The following COBL variants were observed in gnomAD, a reference collection of about 807,000 sequenced individuals.
COBL encodes the protein protein cordon-bleu.
A neutral mutation model predicts 98.8 loss-of-function variants in COBL; 51 were observed. The ratio of observed to expected loss-of-function variants is 0.52; its 90% CI spans 0.41 to 0.65. The LOEUF is 0.65. Among genes scored for constraint, COBL ranks in the 30% least tolerant of loss-of-function variants. The pLI is 0.00. For synonymous variants in COBL, 634 were observed against 651.7 expected (o/e 0.97, Z 0.41); for missense variants, 1,617 against 1,617.5 (o/e 1.00, Z 0.01).
chr7:51,076,414 CA>C (rs1249640111), intron 7 of COBL, among the ~76,000 whole-genome samples: 1 of 152,186 alleles, frequency 6.6e-6, no homozygotes, highest in Non-Finnish European at 1.5e-5. Flanking sequence ...CCTTAGTGAG[CA>C]TCTGGTCCCC....
At chr7:51,223,448 T>C (rs1164213163) in intron 1 of COBL, among the ~76,000 whole-genome samples, 4 of 152,236 alleles carry the variant, frequency 2.6e-5, no homozygotes, top group Admixed American at 6.5e-5. Flanking sequence ...ACTGGACCTG[T>C]TGGCTCAGTG....
intron 7 of COBL, among the ~76,000 whole-genome samples, chr7:51,058,150 A>T (rs917925933): frequency 6.6e-6 from 1 of 152,116 alleles, no homozygotes; most frequent in African/African-American, 2.4e-5. Context: ...ACGTAACAAA[A>T]TTTCTTAAAT....
intron 1 of COBL, among the ~76,000 whole-genome samples, chr7:51,302,513 G>A (rs552482586): frequency 2.0e-3 from 297 of 151,574 alleles, no homozygotes; most frequent in African/African-American, 7.0e-3. Context: ...CCCGGGAGGC[G>A]GAGGTTGTGG....
chr7:51,018,905 A>AAAAAAAAT (rs1554345519), intron 12 of COBL, among the ~76,000 whole-genome samples: 2 of 34,436 alleles, frequency 5.8e-5, no homozygotes, highest in African/African-American at 2.5e-4. Flanking sequence ...AAAAAAAAAA[A>AAAAAAAAT]ATATATATAT....
chr7:51,026,521 C>T, intron 11 of COBL, 25 bp downstream of exon 11: 1 of 1,609,106 alleles, frequency 6.2e-7, no homozygotes. Flanking sequence ...GCTCCTGGCG[C>T]CATGGAAGGC....
At position 51,316,787 on chromosome 7, in the gene COBL, C is replaced by A. The variant is rs1197886719; in HGVS notation, c.-154G>T. On this transcript the variant is annotated 5_prime_UTR_variant, in exon 1 of 13. Transcript: ENST00000265136. ...GAGGACAGCGGCGGAGCGCGGCGGA[C>A]GGAAGGGGCTGGAATCGTCTCTAGC... 5 of 525,620 alleles carry A rather than the reference C, an allele frequency of 9.5e-6. No homozygotes were observed. The highest frequency in any genetic ancestry group is 1.4e-5 in the Non-Finnish European group (5 of 361,186). The allele number at this position is 525,620 out of a possible 1,614,324, so 32.6% of individuals were successfully genotyped here.
intron 6 of COBL, among the ~76,000 whole-genome samples, chr7:51,112,228 T>G (rs1389973705): frequency 1.2e-4 from 19 of 152,242 alleles, no homozygotes; most frequent in Admixed American, 1.2e-3. Flanking sequence ...TAAGTATCTT[T>G]GCTATACATC....
chr7:51,259,248 C>T (rs73330628), intron 1 of COBL, among the ~76,000 whole-genome samples: 23,576 of 149,928 alleles, frequency 0.16, 2,178 homozygotes, highest in East Asian at 0.3. Flanking sequence ...GATCACACAA[C>T]CGCACTCCAG....
intron 1 of COBL, among the ~76,000 whole-genome samples, chr7:51,304,485 G>A (rs150547084): frequency 4.6e-5 from 7 of 152,266 alleles, no homozygotes; most frequent in African/African-American, 1.4e-4. Flanking sequence ...CTATTTTTCT[G>A]TTCTAAACCA....
chr7:51,312,834 A>G (rs1374897707), intron 1 of COBL, among the ~76,000 whole-genome samples: 1 of 152,318 alleles, frequency 6.6e-6, no homozygotes, highest in South Asian at 2.1e-4. Flanking sequence ...AACACTTAAC[A>G]AATACCTTTG....
rs146263887 is a variant in COBL at position 51,192,463 on chromosome 7, G to A, written c.456+916C>T. Among the ~76,000 whole-genome samples the A allele has an allele frequency of 8.5e-3, 1,288 of 152,060 alleles. 22 individuals are homozygous for A. The highest frequency in any genetic ancestry group is 0.029 in the African/African-American group (1,223 of 41,482). On this transcript the variant is annotated intron_variant, in intron 3 of 12. Transcript: ENST00000265136. ...TCTCTACTAAATACACAAATTAGCC[G>A]GGTGTGGTGGCATGCACCTGTAGTC...
At chr7:51,079,804 C>T (rs1793453833) in intron 7 of COBL, among the ~76,000 whole-genome samples, 1 of 152,200 alleles carries the variant, frequency 6.6e-6, no homozygotes, top group African/African-American at 2.4e-5. Context: ...CCACATACAC[C>T]CGGGGAAGGT....
intron 1 of COBL, among the ~76,000 whole-genome samples, chr7:51,255,877 GC>G (rs1433479950): frequency 6.6e-6 from 1 of 152,138 alleles, no homozygotes; most frequent in Non-Finnish European, 1.5e-5. Flanking sequence ...CTCCAGCCCA[GC>G]CCCTGCTTTG....
intron 1 of COBL, among the ~76,000 whole-genome samples, chr7:51,271,234 C>T (rs553367685): frequency 1.2e-4 from 19 of 152,314 alleles, no homozygotes; most frequent in Non-Finnish European, 4.4e-5. Flanking sequence ...TCTGCTGATT[C>T]CTGACCCACA....
chr7:51,164,978 A>G (rs2129037935), intron 5 of COBL, among the ~76,000 whole-genome samples: 1 of 152,194 alleles, frequency 6.6e-6, no homozygotes, highest in South Asian at 2.1e-4. Flanking sequence ...TTCCAACGAA[A>G]TAACATACAA....
intron 1 of COBL, among the ~76,000 whole-genome samples, chr7:51,314,340 C>T (rs1031433569): frequency 1.3e-5 from 2 of 152,176 alleles, no homozygotes; most frequent in African/African-American, 4.8e-5. Context: ...TTATAATAAA[C>T]GGTTGCAGAA....
chr7:51,251,013 A>C (rs1282335038), intron 1 of COBL, among the ~76,000 whole-genome samples: 1 of 152,226 alleles, frequency 6.6e-6, no homozygotes, highest in African/African-American at 2.4e-5. Context: ...TATTGAAAAT[A>C]ATTGACCTAT....
chr7:51,061,282 T>A lies in COBL; in HGVS notation c.1097-17590A>T, dbSNP rs184395152. 1.4e-3 allele frequency among the ~76,000 whole-genome samples: 214 copies of A among 152,334 alleles called. No homozygotes were observed. In the Middle Eastern group the frequency reaches 0.017, roughly 12 times the overall value. On this transcript the variant is annotated intron_variant, in intron 7 of 12. Transcript: ENST00000265136. ...TATATACATATAAATATCTTTGTTT[T>A]CTTTCCCCTTATTCCCTTAACATGG...
In COBL at chr7:51,193,482, A is replaced by C; in HGVS notation, c.353T>G (p.Phe118Cys). Residue 118 changes from phenylalanine to cysteine, a missense_variant, in exon 3 of 13, where the codon TTT becomes TGT. Coordinates refer to ENST00000265136, the MANE Select transcript of COBL (RefSeq NM_015198.5). ...GGTCCCAATCAAAGTATTTGGCTTAAAACTCAAAGGTTGTTGGGTTTCTGA... is the reference window on the plus strand; with the variant it reads ...GGTCCCAATCAAAGTATTTGGCTTACAACTCAAAGGTTGTTGGGTTTCTGA... ...RSSETQQPLS[F>C]KPNTLIGTLN... The C allele has an allele frequency of 2.5e-6, 4 of 1,614,214 alleles. No individual in the cohort carries two copies. Among genetic ancestry groups the C allele is most frequent in the Non-Finnish European group, 3.4e-6 (4 of 1,180,022 alleles).
Sources: gnomAD v4.1 joint callset for allele counts (sites outside exome capture counted in the v4.1 genomes callset) on GRCh38, gnomAD v4.1.1 for gene constraint, MANE v1.5 for transcripts, NCBI Gene and HGNC (gene_info 2026-07-23, HGNC 2026-07-21) for gene names.